NRP1: variants seen among roughly 807,000 people sequenced by gnomAD.
The protein encoded by NRP1 is neuropilin 1.
A neutral mutation model predicts 106.7 loss-of-function variants in NRP1; 35 were observed. The ratio of observed to expected loss-of-function variants is 0.33; its 90% confidence interval spans 0.25 to 0.43. The LOEUF is 0.43. NRP1 is among the 20% of genes least tolerant of loss of function. The pLI is 1.00. For synonymous variants in NRP1, 437 were observed against 417.9 expected (o/e 1.05, Z -0.56); for missense variants, 1,024 against 1,170.4 (o/e 0.87, Z 1.83).
chr10:33,213,306 CT>C, intron 9 of NRP1, 79 bp downstream of exon 9: 1 of 1,614,108 alleles, frequency 6.2e-7, no homozygotes, highest in African/African-American at 1.3e-5. Flanking sequence ...ATAAGAAGCC[CT>C]TCCTCGGGAG....
At position 33,334,255 on chromosome 10, in the gene NRP1, C is replaced by T. The variant is rs544202469; in HGVS notation, c.73+55G>A. 1.4e-3 allele frequency: 2,033 copies of T among 1,487,314 alleles called. 3 individuals are homozygous for T. The highest frequency in any genetic ancestry group is 1.7e-3 in the Non-Finnish European group (1,886 of 1,101,870). The allele number at this position is 1,487,314 out of a possible 1,614,324, so 92.1% of individuals were successfully genotyped here. Reference sequence around the variant, plus strand: ...GCCCCGCCTGAGCCCCGGTCCGGGGCGGGCAGCTGGGAGCCGGGGCGCCGC... The same window carrying T: ...GCCCCGCCTGAGCCCCGGTCCGGGGTGGGCAGCTGGGAGCCGGGGCGCCGC... On this transcript the variant is annotated intron_variant, in intron 1 of 16. Transcript: ENST00000374867.
At chr10:33,190,046 G>T (rs926534816) in intron 13 of NRP1, among the ~76,000 whole-genome samples, 1 of 152,160 alleles carries the variant, frequency 6.6e-6, no homozygotes, top group Non-Finnish European at 1.5e-5. Context: ...CCTTCTGAAG[G>T]AATCGCACTT....
intron 6 of NRP1, among the ~76,000 whole-genome samples, chr10:33,252,252 G>T (rs901687484): frequency 1.3e-5 from 2 of 152,088 alleles, no homozygotes; most frequent in Non-Finnish European, 2.9e-5. Context: ...GGCTCCCCCA[G>T]CAATAAAACC....
intron 10 of NRP1, 92 bp downstream of exon 10, chr10:33,207,480 T>G: frequency 5.9e-6 from 8 of 1,357,398 alleles, no homozygotes; most frequent in South Asian, 1.5e-5. Flanking sequence ...GGGAAAAGGG[T>G]AGGCAATTTG....
intron 4 of NRP1, among the ~76,000 whole-genome samples, chr10:33,259,784 G>A (rs1052291016): frequency 6.6e-6 from 1 of 152,132 alleles, no homozygotes; most frequent in African/African-American, 2.4e-5. Context: ...AGAATCAGAT[G>A]ATTTGGCTTT....
chr10:33,283,011 TG>T (rs1844256086), intron 2 of NRP1, among the ~76,000 whole-genome samples: 1 of 152,182 alleles, frequency 6.6e-6, no homozygotes, highest in Admixed American at 6.5e-5. Flanking sequence ...CCCAAAGTGC[TG>T]GGATTACAGG....
intron 11 of NRP1, among the ~76,000 whole-genome samples, chr10:33,200,119 G>A (rs1837163149): frequency 6.6e-6 from 1 of 152,164 alleles, no homozygotes; most frequent in African/African-American, 2.4e-5. Flanking sequence ...TTGGAGGGAG[G>A]CCAGGATACA....
chr10:33,203,098 G>A (rs983976419), intron 10 of NRP1, 103 bp from the exon 11 acceptor site: 57 of 1,143,910 alleles, frequency 5.0e-5, no homozygotes, highest in Admixed American at 3.3e-4. Context: ...TTTAATCTGC[G>A]GTAAGAAGAC....
chr10:33,194,763 T>A (rs771747305), intron 12 of NRP1: 5 of 527,314 alleles, frequency 9.5e-6, no homozygotes, highest in South Asian at 5.7e-5. Context: ...AGGTTCAATG[T>A]GGAAACTTCC....
chr10:33,206,899 A>G (rs1837831180), intron 10 of NRP1, among the ~76,000 whole-genome samples: 1 of 152,234 alleles, frequency 6.6e-6, no homozygotes, highest in African/African-American at 2.4e-5. Flanking sequence ...TATGACCGTC[A>G]TATAATAATC....
chr10:33,217,846 C>T (rs1838902621), intron 8 of NRP1, among the ~76,000 whole-genome samples: 1 of 152,114 alleles, frequency 6.6e-6, no homozygotes, highest in Non-Finnish European at 1.5e-5. Context: ...TCGTTATTTT[C>T]AGTGATATTA....
chr10:33,283,503 C>T (rs1458487072), intron 2 of NRP1, among the ~76,000 whole-genome samples: 3 of 152,154 alleles, frequency 2.0e-5, no homozygotes, highest in Non-Finnish European at 4.4e-5. Context: ...AGAAATATAT[C>T]TCTGGATGTA....
chr10:33,202,919 A>G lies in NRP1; in HGVS notation c.1836T>C (p.Ser612=). Residue 612 remains serine, a synonymous_variant, in exon 11 of 17, where the codon AGT becomes AGC. Transcript: ENST00000374867. ...ECDDDQANCH[S]GTGDDFQLTG... is the part of the protein sequence containing the mutation. ...TGAGCTGGAAGTCATCACCTGTTCC[A>G]CTGTGGCAGTTGGCCTGGTCGTCAT... 1 of 1,614,224 alleles carries G rather than the reference A, an allele frequency of 6.2e-7. No individual in the cohort carries two copies. The highest frequency in any genetic ancestry group is 1.1e-5 in the South Asian group (1 of 91,086).
intron 2 of NRP1, among the ~76,000 whole-genome samples, chr10:33,317,977 T>C (rs2132849617): frequency 6.6e-6 from 1 of 152,332 alleles, no homozygotes; most frequent in South Asian, 2.1e-4. Context: ...CTGTTTACAG[T>C]CTGAACTTAT....
intron 8 of NRP1, among the ~76,000 whole-genome samples, chr10:33,219,112 G>A (rs556623462): frequency 6.6e-6 from 1 of 152,210 alleles, no homozygotes; most frequent in South Asian, 2.1e-4. Context: ...GCTTGCTGGG[G>A]CATATGCTAG....
At chr10:33,256,567 A>G in intron 4 of NRP1, 96 bp from the exon 5 acceptor site, 1 of 1,374,316 alleles carries the variant, frequency 7.3e-7, no homozygotes, top group Non-Finnish European at 1.0e-6. Flanking sequence ...AGTAGAACCC[A>G]GAAGTGTTTT....
At chr10:33,232,520 T>C (rs1442608168) in intron 6 of NRP1, among the ~76,000 whole-genome samples, 2 of 152,128 alleles carry the variant, frequency 1.3e-5, no homozygotes, top group African/African-American at 4.8e-5. Context: ...TGTTGAACAT[T>C]TCCCTCTGTG....
rs1588821635 is a variant in NRP1 at position 33,241,437 on chromosome 10, G to A, written c.981+12591C>T. 2.0e-5 allele frequency among the ~76,000 whole-genome samples: 3 copies of A among 151,718 alleles called. No homozygotes were observed. In the South Asian group the frequency reaches 6.3e-4, roughly 32 times the overall value. On this transcript the variant is annotated intron_variant, in intron 6 of 16. Coordinates refer to ENST00000374867, the MANE Select transcript of NRP1 (RefSeq NM_003873.7). ...TGTACAACAACTTTAAACCATAGGA[G>A]GACAAACACAGATGTCACACTAACT...
intron 2 of NRP1, among the ~76,000 whole-genome samples, chr10:33,320,290 C>A (rs952695237): frequency 6.8e-6 from 1 of 146,832 alleles, no homozygotes; most frequent in Non-Finnish European, 1.5e-5. Context: ...TCCAGCCTGG[C>A]GATGGAGCAA....
Sources: gnomAD v4.1 joint callset for allele counts (sites outside exome capture counted in the v4.1 genomes callset) on GRCh38, gnomAD v4.1.1 for gene constraint, MANE v1.5 for transcripts, NCBI Gene and HGNC (gene_info 2026-07-23, HGNC 2026-07-21) for gene names.